COL5A3: variants seen among roughly 807,000 people sequenced by gnomAD.
The protein encoded by COL5A3 is collagen alpha-3(V) chain.
Under a neutral mutation model 250.0 loss-of-function variants are expected in COL5A3, and 172 were observed. The ratio of observed to expected loss-of-function variants is 0.69; its 90% confidence interval spans 0.61 to 0.78. The LOEUF (loss-of-function observed/expected upper bound fraction) is 0.78. Among genes scored for constraint, COL5A3 ranks in the 30% least tolerant of loss-of-function variants. The probability of loss-of-function intolerance (pLI) is 0.00; values close to 1 mark genes in which losing one functional copy is unlikely to be tolerated. For synonymous variants in COL5A3, 937 were observed against 900.4 expected (o/e 1.04, Z -0.73); for missense variants, 2,340 against 2,334.4 (o/e 1.00, Z -0.05).
chr19:10,004,870 A>T (rs746750229), intron 4 of COL5A3, among the ~76,000 whole-genome samples: 33 of 152,100 alleles, frequency 2.2e-4, no homozygotes, highest in Non-Finnish European at 4.1e-4. Context: ...TATCACAGCA[A>T]CCAGCACCAT....
rs1182059859 is a variant in COL5A3 at position 9,970,651 on chromosome 19, G to A, written c.3907C>T (p.Pro1303Ser). 4 of 1,454,194 alleles carry A rather than the reference G, an allele frequency of 2.8e-6. No individual in the cohort carries two copies. The highest frequency in any genetic ancestry group is 3.6e-6 in the Non-Finnish European group (4 of 1,104,764). The allele number at this position is 1,454,194 out of a possible 1,614,324, so 90.1% of individuals were successfully genotyped here. A position where few individuals can be genotyped will look rare whatever the true frequency, so the allele number is the denominator to read the frequency against. Reference sequence around the variant, plus strand: ...TTGCCGGGGGGCCCGGGGGCGCCGGGCTCCCCAGAAGCTCCAGGCGGACCC... The same window carrying A: ...TTGCCGGGGGGCCCGGGGGCGCCGGACTCCCCAGAAGCTCCAGGCGGACCC... ...GPGPPGASGE[P>S]GAPGPPGKRG... is the part of the protein sequence containing the mutation. Residue 1303 changes from proline to serine, a missense_variant, in exon 54 of 67, where the codon CCC becomes TCC. Physicochemically the swap from Pro to Ser is moderately conservative, Grantham distance 74. This residue lies in a region of COL5A3 where 1,179 missense variants were observed against 1,162.6 expected (regional missense o/e 1.01). Coordinates refer to ENST00000264828, the MANE Select transcript of COL5A3 (RefSeq NM_015719.4).
At chr19:9,966,283 G>A (rs771329803) in intron 64 of COL5A3, 31 bp downstream of exon 64, 1 of 1,539,944 alleles carries the variant, frequency 6.5e-7, no homozygotes, top group Non-Finnish European at 8.9e-7. Flanking sequence ...GCACTTCCTG[G>A]GGGAGGCGAT....
At position 9,979,405 on chromosome 19, in the gene COL5A3, G is replaced by A; in HGVS notation, c.2725C>T (p.Gln909Ter). Reference sequence around the variant, plus strand: ...CCAGCTGGTCCAGGCGGGCCTGTCTGACCTTGGAAGCCCTAGAGAGAAAAA... The same window carrying A: ...CCAGCTGGTCCAGGCGGGCCTGTCTAACCTTGGAAGCCCTAGAGAGAAAAA... Reference protein sequence around the residue: ...GQRGELGFQGQTGPPGPAGVL... With the variant: ...GQRGELGFQG Residue 909 changes from glutamine to a stop codon, truncating the protein, a stop_gained, in exon 38 of 67, where the codon CAG (glutamine) becomes TAG (stop). Transcript: ENST00000264828. LOFTEE classifies it high-confidence loss of function. The A allele has an allele frequency of 1.2e-6, 2 of 1,614,162 alleles. No homozygotes were observed. The highest frequency in any genetic ancestry group is 1.7e-6 in the Non-Finnish European group (2 of 1,180,020).
intron 45 of COL5A3, among the ~76,000 whole-genome samples, chr19:9,975,321 C>T (rs1171371567): frequency 1.3e-5 from 2 of 152,068 alleles, no homozygotes; most frequent in Non-Finnish European, 2.9e-5. Flanking sequence ...CTCAGGTGAT[C>T]CACCCGCCTT....
intron 8 of COL5A3, among the ~76,000 whole-genome samples, chr19:10,001,082 C>A (rs534258058): frequency 1.1e-4 from 17 of 151,810 alleles, no homozygotes; most frequent in Non-Finnish European, 1.9e-4. Context: ...CACTTGTACC[C>A]CTGAACTTAA....
chr19:9,960,844 A>G lies in COL5A3; in HGVS notation c.4898T>C (p.Leu1633Pro). ...GGCACTCAGCAGTTTCAGGAAGTTC[A>G]GCTGCACGACATTCACTGGGGACCC... is the stretch of plus-strand genomic sequence containing the variant. ...ADGSPVNVVQ[L>P]NFLKLLSATA... Residue 1633 changes from leucine (L) to proline (P), a missense_variant, in exon 66 of 67, where the codon CTG becomes CCG. Leu to Pro is a moderately conservative substitution (Grantham distance 98). This residue lies in a region of COL5A3 where 1,179 missense variants were observed against 1,162.6 expected (regional missense o/e 1.01). Coordinates refer to ENST00000264828, the MANE Select transcript of COL5A3 (RefSeq NM_015719.4). 1 of 1,611,868 alleles carries G rather than the reference A, an allele frequency of 6.2e-7. No individual in the cohort carries two copies. The highest frequency in any genetic ancestry group is 8.5e-7 in the Non-Finnish European group (1 of 1,180,016).
intron 1 of COL5A3, among the ~76,000 whole-genome samples, chr19:10,007,081 CT>C (rs1484108826): frequency 6.7e-6 from 1 of 150,100 alleles, no homozygotes; most frequent in African/African-American, 2.5e-5. Context: ...TTCCTTCTGA[CT>C]TTCCCCTCTA....
At chr19:9,983,845 C>T (rs894303811) in intron 31 of COL5A3, among the ~76,000 whole-genome samples, 9 of 133,718 alleles carry the variant, frequency 6.7e-5, no homozygotes, top group African/African-American at 1.8e-4. Context: ...TTTTCTCAAT[C>T]GTTAAAAAGA....
intron 37 of COL5A3, 87 bp from the exon 38 acceptor site, chr19:9,979,504 A>C: frequency 1.4e-6 from 2 of 1,429,206 alleles, no homozygotes; most frequent in Non-Finnish European, 2.0e-6. Flanking sequence ...TAGGATCAGG[A>C]ATCTGGCCGG....
intron 11 of COL5A3, 128 bp from the exon 12 acceptor site, chr19:9,996,817 C>A: frequency 1.5e-6 from 1 of 665,578 alleles, no homozygotes; most frequent in Non-Finnish European, 2.5e-6. Context: ...GACACAGAAT[C>A]AAAGAGGGAT....
chr19:10,005,930 G>A lies in COL5A3; in HGVS notation c.303C>T (p.Ala101=), dbSNP rs752755405. The change falls in exon 3 of 67, where the codon GCC becomes GCT. Residue 101 remains alanine, a synonymous_variant. Coordinates refer to ENST00000264828, the MANE Select transcript of COL5A3 (RefSeq NM_015719.4). The stretch of plus-strand genomic sequence containing the variant: ...AAATGGACAGCAGGACAGACTGATT[G>A]GCTGGCTGTCCCCGCAAGGTGATCA... The part of the protein sequence containing the change: ...SLLITLRGQP[A]NQSVLLSIYD... The A allele has an allele frequency of 2.5e-6, 4 of 1,614,104 alleles. No homozygotes were observed. Among genetic ancestry groups the A allele is most frequent in the Non-Finnish European group, 3.4e-6 (4 of 1,180,014 alleles).
intron 8 of COL5A3, among the ~76,000 whole-genome samples, chr19:9,999,334 G>A (rs1054267242): frequency 3.3e-5 from 5 of 151,174 alleles, no homozygotes; most frequent in Non-Finnish European, 5.9e-5. Flanking sequence ...TGGGACCACA[G>A]GTGCACACAG....
At chr19:9,969,943 A>AG (rs57674179) in intron 54 of COL5A3, 21 bp from the exon 55 acceptor site, 857,421 of 1,594,258 alleles carry the variant, frequency 0.54, 234,666 homozygotes, top group African/African-American at 0.63. Flanking sequence ...AAAGACAGTG[A>AG]GGGGGGTCTA....
At chr19:10,008,201 C>A (rs114185689) in intron 1 of COL5A3, among the ~76,000 whole-genome samples, 7,064 of 152,134 alleles carry the variant, frequency 0.046, 549 homozygotes, top group African/African-American at 0.16. Flanking sequence ...CCTCACCCAG[C>A]CTGGAGGCTC....
chr19:9,980,622 A>ATT lies in COL5A3; in HGVS notation c.2604+25_2604+26insAA, dbSNP rs747147285. Reference sequence around the variant, plus strand: ...CTCTCTCACACACACACACATTCACACACACACACACACACACACACTCAC... The same window carrying ATT: ...CTCTCTCACACACACACACATTCACATTCACACACACACACACACACACTCAC... On this transcript the variant is annotated intron_variant, in intron 35 of 66. Coordinates refer to ENST00000264828, the MANE Select transcript of COL5A3 (RefSeq NM_015719.4). 574 of 978,186 alleles carry ATT rather than the reference A, an allele frequency of 5.9e-4. 1 individual carries two copies. In the African/African-American group the frequency reaches 8.8e-3, roughly 15 times the overall value. The allele number at this position is 978,186 out of a possible 1,614,324, so 60.6% of individuals were successfully genotyped here.
intron 64 of COL5A3, among the ~76,000 whole-genome samples, chr19:9,966,057 C>G (rs1441118419): frequency 2.6e-5 from 4 of 152,202 alleles, no homozygotes; most frequent in Middle Eastern, 3.4e-3. Context: ...GTCTCGAACT[C>G]CTGACCTCAA....
chr19:10,005,349 CAA>C (rs1221352558), intron 4 of COL5A3, among the ~76,000 whole-genome samples: 3 of 131,574 alleles, frequency 2.3e-5, no homozygotes, highest in African/African-American at 2.8e-5. Flanking sequence ...GGCTCCATCT[CAA>C]AAAAAAAAAA....
In COL5A3 at chr19:9,966,363, A is replaced by C; in HGVS notation, c.4733T>G (p.Phe1578Cys). Reference sequence around the variant, plus strand: ...GAGGCAGGTCTCTCCTCCCGCCGTGAAGTTGCAAAAAACCCTGAACGAGTC... The same window carrying C: ...GAGGCAGGTCTCTCCTCCCGCCGTGCAGTTGCAAAAAACCCTGAACGAGTC... ...ARDSFRVFCNFTAGGETCLYP... is the reference protein window; with the variant it reads ...ARDSFRVFCNCTAGGETCLYP... The change falls in exon 64 of 67, where the codon TTC becomes TGC. Residue 1578 changes from phenylalanine (F) to cysteine (C), a missense_variant. Coordinates refer to ENST00000264828, the MANE Select transcript of COL5A3 (RefSeq NM_015719.4). The C allele has an allele frequency of 6.2e-7, 1 of 1,610,366 alleles. No homozygotes were observed. The highest frequency in any genetic ancestry group is 8.5e-7 in the Non-Finnish European group (1 of 1,177,934).
At chr19:10,004,265 C>G (rs1470266426) in intron 4 of COL5A3, 120 bp from the exon 5 acceptor site, 2 of 681,950 alleles carry the variant, frequency 2.9e-6, no homozygotes, top group Non-Finnish European at 5.3e-6. Context: ...GCTCCCCCAC[C>G]CAGAGCATGC....
Sources: gnomAD v4.1 joint callset for allele counts (sites outside exome capture counted in the v4.1 genomes callset) on GRCh38, gnomAD v4.1.1 for gene constraint, gnomAD v4.1.1 regional missense constraint, MANE v1.5 for transcripts, NCBI Gene and HGNC (gene_info 2026-07-23, HGNC 2026-07-21) for gene names.